DHX57: variants seen among roughly 807,000 people sequenced by gnomAD.
DHX57 encodes DExH-box helicase 57, also known as putative ATP-dependent RNA helicase DHX57.
Under a neutral mutation model 156.2 loss-of-function variants are expected in DHX57, and 105 were observed. The observed-to-expected ratio is 0.67, with a 90% CI of 0.57 to 0.79. The LOEUF (loss-of-function observed/expected upper bound fraction) is 0.79. Among genes scored for constraint, DHX57 ranks in the 30% least tolerant of loss-of-function variants. The pLI is 0.00. For synonymous variants in DHX57, 704 were observed against 595.6 expected, an observed-to-expected ratio of 1.18 and a Z score of -2.65; for missense variants, 1,847 against 1,661.9, an observed-to-expected ratio of 1.11 and a Z score of -1.94.
At chr2:38,871,554 G>A (rs1476526182) in intron 1 of DHX57, among the ~76,000 whole-genome samples, 1 of 152,132 alleles carries the variant, frequency 6.6e-6, no homozygotes, top group Non-Finnish European at 1.5e-5. Context: ...ATAAACAACA[G>A]AAGTTTATTT....
intron 2 of DHX57, among the ~76,000 whole-genome samples, chr2:38,864,325 G>A (rs1233844729): frequency 6.7e-6 from 1 of 150,324 alleles, no homozygotes; most frequent in African/African-American, 2.4e-5. Flanking sequence ...TGGTAGGATT[G>A]CTTAAGCCCC....
Position 38,828,457 on chromosome 2 carries a change from A to G in DHX57, c.2543-21T>C, listed in dbSNP as rs767883637. 3.2e-6 allele frequency: 5 copies of G among 1,559,426 alleles called. 1 individual carries two copies. Among genetic ancestry groups the G allele is most frequent in the Non-Finnish European group, 4.4e-6 (5 of 1,142,308 alleles). ...AGCACCTGGGTATATAAAAAGAATC[A>G]ATATGTGGGTAAGCATAGGCACAGA... On this transcript the variant is annotated intron_variant, in intron 13 of 23. Coordinates refer to ENST00000457308, the MANE Select transcript of DHX57 (RefSeq NM_198963.3).
rs537584466 is a variant in DHX57 at position 38,854,972 on chromosome 2, G to T, written c.1905+85C>A. On this transcript the variant is annotated intron_variant, in intron 8 of 23. Coordinates refer to ENST00000457308, the MANE Select transcript of DHX57 (RefSeq NM_198963.3). ...AACCTGAAAGTATATATCCCAAATT[G>T]CCCATGAATCTCCTAACCCCCAAAA... 28 of 1,316,352 alleles carry T rather than the reference G, an allele frequency of 2.1e-5. No individual in the cohort carries two copies. In the African/African-American group the frequency reaches 2.9e-4, roughly 14 times the overall value. The allele number at this position is 1,316,352 out of a possible 1,614,324, so 81.5% of individuals were successfully genotyped here.
At chr2:38,817,851 C>A (rs528817552) in intron 19 of DHX57, among the ~76,000 whole-genome samples, 1 of 152,108 alleles carries the variant, frequency 6.6e-6, no homozygotes, top group African/African-American at 2.4e-5. Flanking sequence ...GCCCATGTCA[C>A]TAGGTCTGGC....
intron 1 of DHX57, among the ~76,000 whole-genome samples, chr2:38,873,199 C>G (rs914130625): frequency 6.6e-6 from 1 of 152,326 alleles, no homozygotes; most frequent in Middle Eastern, 3.4e-3. Flanking sequence ...CCATGTTGGT[C>G]AGGCTGGTCT....
chr2:38,827,961 A>C (rs1671188021), intron 14 of DHX57, among the ~76,000 whole-genome samples: 1 of 152,024 alleles, frequency 6.6e-6, no homozygotes, highest in African/African-American at 2.4e-5. Context: ...GGTTCAAGCT[A>C]TTCTCCTGCC....
At chr2:38,844,017 T>C (rs553216822) in intron 11 of DHX57, among the ~76,000 whole-genome samples, 48 of 152,332 alleles carry the variant, frequency 3.2e-4, no homozygotes, top group African/African-American at 1.1e-3. Context: ...TAAGATTTCA[T>C]TTGCATAAAG....
intron 13 of DHX57, among the ~76,000 whole-genome samples, chr2:38,830,736 T>C (rs1671338243): frequency 6.6e-6 from 1 of 151,994 alleles, no homozygotes; most frequent in Non-Finnish European, 1.5e-5. Flanking sequence ...AAACCTAGGG[T>C]TTCTGGCATC....
chr2:38,826,042 T>A lies in DHX57; in HGVS notation c.2819A>T (p.Asp940Val). ...DSGKMKEKRY[D>V]ASKGMESLED... ...TAGACTTTCCATCCCTTTGCTGGCATCATATCTATAAAGAAAAAGAAAATA... is the reference window on the plus strand; with the variant it reads ...TAGACTTTCCATCCCTTTGCTGGCAACATATCTATAAAGAAAAAGAAAATA... The change falls in exon 16 of 24, where the codon GAT (aspartate) becomes GTT (valine). Residue 940 changes from aspartate (D) to valine (V), a missense_variant. Coordinates refer to ENST00000457308, the MANE Select transcript of DHX57 (RefSeq NM_198963.3). 1 of 1,613,440 alleles carries A rather than the reference T, an allele frequency of 6.2e-7. No homozygotes were observed. Among genetic ancestry groups the A allele is most frequent in the South Asian group, 1.1e-5 (1 of 91,020 alleles).
rs568631619 is a variant in DHX57 at position 38,853,997 on chromosome 2, T to C, written c.2030+57A>G. ...GAATTGGAACTAGAAAACAATTTTT[T>C]CTGCCATGCCTTCAATTCAGGTGAG... On this transcript the variant is annotated intron_variant, in intron 9 of 23. Coordinates refer to ENST00000457308, the MANE Select transcript of DHX57 (RefSeq NM_198963.3). 1.1e-5 allele frequency: 16 copies of C among 1,501,578 alleles called. No individual in the cohort carries two copies. In the African/African-American group the frequency reaches 1.8e-4, roughly 17 times the overall value. 93.0% of individuals were successfully genotyped at this position (1,501,578 alleles called of 1,614,324 possible). A position where few individuals can be genotyped will look rare whatever the true frequency, so the allele number is the denominator to read the frequency against.
chr2:38,803,969 A>C (rs935770685), intron 22 of DHX57, among the ~76,000 whole-genome samples: 2 of 151,326 alleles, frequency 1.3e-5, no homozygotes, highest in Non-Finnish European at 2.9e-5. Flanking sequence ...TTTAGTAGAG[A>C]TGGGGTTTCA....
intron 9 of DHX57, 36 bp downstream of exon 9, chr2:38,854,018 G>T: frequency 6.4e-7 from 1 of 1,570,072 alleles, no homozygotes. Flanking sequence ...TTCAATTCAG[G>T]TGAGTGTGTG....
chr2:38,868,193 C>G lies in DHX57; in HGVS notation c.213G>C (p.Arg71Ser). ...AGAGTTATAATGACCTGGAAGGGCG[C>G]CTTGATTCACTGAAGATACAAAAGT... ...GDDFCIFSES[R>S]RPSRPSNSNI... is the part of the protein sequence containing the mutation. Residue 71 changes from arginine (R) to serine (S), a missense_variant, in exon 2 of 24, where the codon AGG (arginine) becomes AGC (serine). Arg to Ser is a moderately radical substitution (Grantham distance 110, BLOSUM62 -1). Coordinates refer to ENST00000457308, the MANE Select transcript of DHX57 (RefSeq NM_198963.3). 2 of 1,613,958 alleles carry G rather than the reference C, an allele frequency of 1.2e-6. No individual in the cohort carries two copies. Among genetic ancestry groups the G allele is most frequent in the Non-Finnish European group, 1.7e-6 (2 of 1,180,008 alleles).
At chr2:38,802,588 A>T (rs1669737371) in intron 23 of DHX57, 127 bp downstream of exon 23, 1 of 1,197,074 alleles carries the variant, frequency 8.4e-7, no homozygotes, top group South Asian at 1.5e-5. Context: ...GGGCTCGGCC[A>T]CCGTCATTCA....
intron 17 of DHX57, among the ~76,000 whole-genome samples, chr2:38,822,187 A>G (rs1376780011): frequency 5.9e-5 from 9 of 151,788 alleles, no homozygotes. Context: ...GGTTCAAGTG[A>G]TTCTCCTGCC....
Position 38,862,215 on chromosome 2 carries a change from C to A in DHX57, c.502G>T (p.Gly168Cys). ...ACATAAGGCTCCACTGAGGCTAAGC[C>A]AGCATATTCCAAAGGATCCAAGTCG... ...VPDLDPLEYA[G>C]LASVEPYVPE... The change falls in exon 4 of 24, where the codon GGC (glycine) becomes TGC (cysteine). Residue 168 changes from glycine (G) to cysteine (C), a missense_variant. Gly to Cys is a radical substitution (Grantham distance 159). Coordinates refer to ENST00000457308, the MANE Select transcript of DHX57 (RefSeq NM_198963.3). 1 of 1,613,904 alleles carries A rather than the reference C, an allele frequency of 6.2e-7. No homozygotes were observed. Among genetic ancestry groups the A allele is most frequent in the Non-Finnish European group, 8.5e-7 (1 of 1,179,886 alleles).
intron 3 of DHX57, 100 bp from the exon 4 acceptor site, chr2:38,862,433 T>C: frequency 2.7e-6 from 3 of 1,131,858 alleles, no homozygotes; most frequent in East Asian, 2.7e-5. Flanking sequence ...GGATCCTGAC[T>C]ACTCTTCAGT....
chr2:38,823,216 C>T lies in DHX57; in HGVS notation c.3068G>A (p.Arg1023Gln), dbSNP rs140005514. The T allele has an allele frequency of 1.6e-4, 263 of 1,613,902 alleles. 1 individual carries two copies. In the African/African-American group the frequency reaches 3.3e-3, roughly 20 times the overall value. The change falls in exon 17 of 24, where the codon CGG becomes CAG. Residue 1023 changes from arginine (R) to glutamine (Q), a missense_variant. Coordinates refer to ENST00000457308, the MANE Select transcript of DHX57 (RefSeq NM_198963.3). ...ATCGGTGTGTGGAGGTTCAATGAGC[C>T]GAGAGAACACAGACTGGAGATTATG... ...SAHNLQSVFS[R>Q]LIEPPHTDSL... is the part of the protein sequence containing the mutation.
At position 38,868,751 on chromosome 2, in the gene DHX57, C is replaced by G. The variant is rs181276370; in HGVS notation, c.-6-340G>C. Among the ~76,000 whole-genome samples the G allele has an allele frequency of 1.9e-3, 284 of 152,286 alleles. 1 individual carries two copies. Among genetic ancestry groups the G allele is most frequent in the Non-Finnish European group, 3.4e-3 (229 of 68,024 alleles). On this transcript the variant is annotated intron_variant, in intron 1 of 23. Transcript: ENST00000457308. ...ACACATGGAGAAGTGTCAAAATACA[C>G]ATGTCTAGGCTTTAATCCTAGATTC... is the stretch of plus-strand genomic sequence containing the variant.
Sources: allele counts gnomAD v4.1 joint callset (sites outside exome capture counted in the v4.1 genomes callset), GRCh38; gene constraint gnomAD v4.1.1; transcripts MANE v1.5; gene names NCBI Gene and HGNC (gene_info 2026-07-23, HGNC 2026-07-21).